Variants in KCNK2 observed in about 807,000 individuals in gnomAD.
The protein encoded by KCNK2 is potassium channel subfamily K member 2.
In KCNK2, 21 loss-of-function variants were observed where a neutral mutation model predicts 40.5. That is an observed-to-expected ratio of 0.52 (90% CI 0.37 to 0.75). KCNK2 has a LOEUF of 0.75. KCNK2 is among the 30% of genes least tolerant of loss of function. The probability of loss-of-function intolerance (pLI) is 0.00; values close to 1 mark genes in which losing one functional copy is unlikely to be tolerated. For missense variants in KCNK2, 399 were observed against 531.6 expected, an observed-to-expected ratio of 0.75 and a Z score of 2.45; for synonymous variants, 191 against 202.2, an observed-to-expected ratio of 0.94 and a Z score of 0.47.
intron 1 of KCNK2, among the ~76,000 whole-genome samples, chr1:215,032,669 AT>A (rs1346887974): frequency 2.0e-5 from 3 of 151,778 alleles, no homozygotes; most frequent in Non-Finnish European, 4.4e-5. Context: ...AGGTTAGTGG[AT>A]TTTTTTCTCT....
intron 5 of KCNK2, among the ~76,000 whole-genome samples, chr1:215,187,720 T>G (rs1385357961): frequency 1.3e-5 from 2 of 151,848 alleles, no homozygotes; most frequent in African/African-American, 2.4e-5. Context: ...CCACAGCTTG[T>G]TTAGAAGCTG....
intron 3 of KCNK2, among the ~76,000 whole-genome samples, chr1:215,154,429 T>G (rs181023052): frequency 2.6e-4 from 39 of 151,356 alleles, no homozygotes; most frequent in African/African-American, 7.7e-4. Context: ...TTTGATGGGT[T>G]TTTTTTTTTC....
At chr1:215,172,963 T>C (rs1228758134) in intron 5 of KCNK2, among the ~76,000 whole-genome samples, 1 of 151,990 alleles carries the variant, frequency 6.6e-6, no homozygotes, top group Admixed American at 6.6e-5. Flanking sequence ...ATCTTATTAC[T>C]ATTATTTTTT....
intron 5 of KCNK2, among the ~76,000 whole-genome samples, chr1:215,184,308 A>G (rs576383941): frequency 6.6e-6 from 1 of 152,306 alleles, no homozygotes; most frequent in Non-Finnish European, 1.5e-5. Context: ...AGTGATGATA[A>G]CAAAAATATA....
chr1:215,039,794 T>A (rs1298361862), intron 1 of KCNK2, among the ~76,000 whole-genome samples: 1 of 152,130 alleles, frequency 6.6e-6, no homozygotes, highest in Non-Finnish European at 1.5e-5. Flanking sequence ...TTCTAATAAT[T>A]TTTTATTTAC....
At chr1:215,143,427 A>G (rs1479962021) in intron 3 of KCNK2, among the ~76,000 whole-genome samples, 2 of 152,174 alleles carry the variant, frequency 1.3e-5, no homozygotes, top group Non-Finnish European at 2.9e-5. Context: ...ATGGCATTAG[A>G]TTGAAAGACT....
upstream of KCNK2, among the ~76,000 whole-genome samples, chr1:215,078,052 T>C (rs993331519): frequency 6.6e-6 from 1 of 152,168 alleles, no homozygotes; most frequent in Non-Finnish European, 1.5e-5. Context: ...TTGGGCCACA[T>C]TGGAAGAAGA....
At chr1:215,211,267 G>A (rs561008440) in intron 6 of KCNK2, among the ~76,000 whole-genome samples, 1 of 151,992 alleles carries the variant, frequency 6.6e-6, no homozygotes, top group Admixed American at 6.6e-5. Context: ...GATTCCCCCA[G>A]CACACCAGGA....
intron 1 of KCNK2, among the ~76,000 whole-genome samples, chr1:215,069,337 T>C (rs1230671697): frequency 6.6e-6 from 1 of 152,170 alleles, no homozygotes; most frequent in Non-Finnish European, 1.5e-5. Context: ...GAGGGTCCTC[T>C]CCTTTCTGGA....
rs151299295 is a variant in KCNK2 at position 215,138,211 on chromosome 1, A to T, written c.475+13461A>T. Among the ~76,000 whole-genome samples the T allele has an allele frequency of 1.8e-4, 28 of 152,304 alleles. 1 individual carries two copies. The East Asian group carries it at 4.2e-3, about 23-fold the overall frequency. ...GTATTTCTAAAAATAAGAAAATCTC[A>T]TTCTACTGCTTAGCTCTGGGTGATG... On this transcript the variant is annotated intron_variant, in intron 3 of 6. Coordinates refer to ENST00000444842, the MANE Select transcript of KCNK2 (RefSeq NM_001017425.3).
At chr1:215,179,090 G>A (rs894835872) in intron 5 of KCNK2, among the ~76,000 whole-genome samples, 2 of 151,806 alleles carry the variant, frequency 1.3e-5, no homozygotes, top group Non-Finnish European at 2.9e-5. Context: ...GGGAGATTGT[G>A]TGTTTATGGG....
Position 215,083,425 on chromosome 1 carries a change from G to C in KCNK2, c.40G>C (p.Ala14Pro). The C allele has an allele frequency of 6.2e-7, 1 of 1,613,084 alleles. No individual in the cohort carries two copies. The highest frequency in any genetic ancestry group is 8.5e-7 in the Non-Finnish European group (1 of 1,179,306). The change falls in exon 1 of 7, where the codon GCA becomes CCA. Residue 14 changes from alanine (A) to proline (P), a missense_variant. Around this residue, in one of 3 missense-constraint regions of KCNK2, gnomAD observed 279 missense variants for 353.8 expected, o/e 0.79. Coordinates refer to ENST00000444842, the MANE Select transcript of KCNK2 (RefSeq NM_001017425.3). ...SASRERPGYR[A>P]GVAAPDLLDP... ...CTCGCGGGAGAGACCCGGCTATAGA[G>C]CAGGAGGTGAGACCCCCCCTCCGGT... is the stretch of plus-strand genomic sequence containing the variant.
chr1:215,159,642 C>T (rs1663104866), intron 3 of KCNK2, among the ~76,000 whole-genome samples: 1 of 152,066 alleles, frequency 6.6e-6, no homozygotes, highest in African/African-American at 2.4e-5. Flanking sequence ...TTCATGTGTT[C>T]TTTTCTAGCA....
intron 3 of KCNK2, among the ~76,000 whole-genome samples, chr1:215,143,175 C>T (rs1662262626): frequency 6.6e-6 from 1 of 152,048 alleles, no homozygotes; most frequent in Non-Finnish European, 1.5e-5. Context: ...ATGTATAAAA[C>T]AGATAAATAG....
chr1:215,087,037 G>A (rs917525991), intron 2 of KCNK2, among the ~76,000 whole-genome samples: 1 of 152,202 alleles, frequency 6.6e-6, no homozygotes, highest in East Asian at 1.9e-4. Flanking sequence ...GGGTTACCAC[G>A]CTGAAGGTCC....
At position 215,124,750 on chromosome 1, in the gene KCNK2, G is replaced by T; in HGVS notation, c.475G>T (p.Gly159Ter). 6.5e-7 allele frequency: 1 copy of T among 1,541,940 alleles called. No homozygotes were observed. The change falls in exon 3 of 7, where the codon GGA (glycine) becomes TGA (stop). Residue 159 changes from glycine to a stop codon, truncating the protein, a stop_gained and splice_region_variant. Transcript: ENST00000444842. LOFTEE classifies it high-confidence loss of function. ...FFAGTVITTI[G>*]FGNISPRTEG... Reference sequence around the variant, plus strand: ...TGCTGGCACTGTTATTACAACCATAGGTAGGAGACAACTTATTTTTGTTTT... The same window carrying T: ...TGCTGGCACTGTTATTACAACCATATGTAGGAGACAACTTATTTTTGTTTT...
At chr1:215,210,843 C>G (rs1665713306) in intron 6 of KCNK2, among the ~76,000 whole-genome samples, 2 of 89,684 alleles carry the variant, frequency 2.2e-5, no homozygotes, top group Non-Finnish European at 4.8e-5. Context: ...AAAGAAGGTA[C>G]TACCCCGACT....
At chr1:215,201,429 C>A (rs112786985) in intron 6 of KCNK2, among the ~76,000 whole-genome samples, 1 of 152,070 alleles carries the variant, frequency 6.6e-6, no homozygotes, top group East Asian at 1.9e-4. Flanking sequence ...AAGATAGTTC[C>A]GGCCACATAA....
intron 6 of KCNK2, among the ~76,000 whole-genome samples, chr1:215,211,047 A>G (rs1184927413): frequency 1.3e-5 from 2 of 152,154 alleles, no homozygotes; most frequent in South Asian, 2.1e-4. Context: ...CAACAAAGAC[A>G]CCAGAATAAT....
Sources: allele counts gnomAD v4.1 joint callset (sites outside exome capture counted in the v4.1 genomes callset), GRCh38; gene constraint gnomAD v4.1.1; regional missense constraint gnomAD v4.1.1; transcripts MANE v1.5; gene names NCBI Gene and HGNC (gene_info 2026-07-23, HGNC 2026-07-21).